Variants in BLNK observed in about 807,000 individuals in gnomAD.
BLNK encodes B cell linker.
In BLNK, 29 loss-of-function variants were observed where a neutral mutation model predicts 73.5. The observed-to-expected ratio is 0.39, with a 90% CI of 0.29 to 0.54. The LOEUF (loss-of-function observed/expected upper bound fraction) is 0.54, where lower values mean the gene tolerates loss of function less well. Ranked by LOEUF, BLNK falls within the 20% of genes least tolerant of loss-of-function variation. The pLI is 0.61. For synonymous variants in BLNK, 176 were observed against 200.8 expected, an observed-to-expected ratio of 0.88 and a Z score of 1.04; for missense variants, 460 against 562.8, an observed-to-expected ratio of 0.82 and a Z score of 1.85.
At chr10:96,211,618 G>A (rs917218719) in intron 8 of BLNK, among the ~76,000 whole-genome samples, 2 of 152,144 alleles carry the variant, frequency 1.3e-5, no homozygotes, top group African/African-American at 4.8e-5. Flanking sequence ...GATTGTACCT[G>A]GAAGCCTTCC....
intron 1 of BLNK, among the ~76,000 whole-genome samples, chr10:96,256,176 T>A (rs1173030379): frequency 6.6e-6 from 1 of 152,080 alleles, no homozygotes; most frequent in Non-Finnish European, 1.5e-5. Flanking sequence ...CCCTTTGCTT[T>A]ATCCACGTAT....
chr10:96,238,730 T>C (rs1435532064), intron 3 of BLNK, among the ~76,000 whole-genome samples: 3 of 151,678 alleles, frequency 2.0e-5, no homozygotes, highest in African/African-American at 7.3e-5. Flanking sequence ...GGGGATTGAG[T>C]GTAAGAGCAG....
At chr10:96,246,085 G>A (rs1240536752) in intron 2 of BLNK, among the ~76,000 whole-genome samples, 3 of 151,704 alleles carry the variant, frequency 2.0e-5, no homozygotes, top group African/African-American at 4.9e-5. Flanking sequence ...ACTAAGGTAC[G>A]TCTACCTTAG....
intron 8 of BLNK, among the ~76,000 whole-genome samples, chr10:96,212,176 G>A (rs1014179676): frequency 7.2e-5 from 11 of 152,196 alleles, no homozygotes; most frequent in Non-Finnish European, 1.3e-4. Flanking sequence ...CTGTCACGGA[G>A]GACACTGGTG....
Position 96,223,785 on chromosome 10 carries a change from C to T in BLNK, c.525+41G>A, listed in dbSNP as rs146017428. The T allele has an allele frequency of 1.6e-5, 26 of 1,610,810 alleles. No homozygotes were observed. In the African/African-American group the frequency reaches 2.1e-4, roughly 13 times the overall value. On this transcript the variant is annotated intron_variant, in intron 6 of 16. Transcript: ENST00000224337. ...CTGTCCTGGTCGCTTGCCCCACCCC[C>T]CTCTGTGTCCTGGGAAGCCTTTGGC...
intron 8 of BLNK, among the ~76,000 whole-genome samples, chr10:96,210,851 G>GTCCACAAT: frequency 6.7e-6 from 1 of 148,506 alleles, no homozygotes; most frequent in Non-Finnish European, 1.5e-5. Context: ...ACACATACAA[G>GTCCACAAT]TCCACAATTC....
intron 8 of BLNK, among the ~76,000 whole-genome samples, chr10:96,214,924 G>C (rs1410004787): frequency 6.6e-6 from 1 of 152,154 alleles, no homozygotes; most frequent in Non-Finnish European, 1.5e-5. Context: ...CAAGCCCAAG[G>C]TGGCATAGCT....
chr10:96,242,442 T>C (rs1385706601), intron 3 of BLNK, among the ~76,000 whole-genome samples: 2 of 152,226 alleles, frequency 1.3e-5, no homozygotes, highest in African/African-American at 4.8e-5. Context: ...ATTCCTCAAA[T>C]GTATAGTCTA....
intron 5 of BLNK, among the ~76,000 whole-genome samples, chr10:96,226,085 C>G (rs1554902424): frequency 6.6e-6 from 1 of 152,200 alleles, no homozygotes; most frequent in Non-Finnish European, 1.5e-5. Flanking sequence ...ATGAGCTGGG[C>G]TTCGGAAGCT....
intron 9 of BLNK, among the ~76,000 whole-genome samples, chr10:96,208,853 G>C (rs2083883082): frequency 6.6e-6 from 1 of 152,188 alleles, no homozygotes; most frequent in Non-Finnish European, 1.5e-5. Context: ...AGACGAAGTA[G>C]TTTGCCCAAA....
Position 96,264,657 on chromosome 10 carries a change from A to G in BLNK, c.47+6695T>C, listed in dbSNP as rs11188690. The stretch of plus-strand genomic sequence containing the variant: ...AAAAAGTCTTTAATGAAAAAGATTG[A>G]ACCCTTAAAGCCTACCCATCGGTTT... On this transcript the variant is annotated intron_variant, in intron 1 of 16. Coordinates refer to ENST00000224337, the MANE Select transcript of BLNK (RefSeq NM_013314.4). 5.0e-3 allele frequency among the ~76,000 whole-genome samples: 759 copies of G among 152,284 alleles called. 7 individuals are homozygous for G. The highest frequency in any genetic ancestry group is 0.017 in the African/African-American group (717 of 41,560).
intron 6 of BLNK, among the ~76,000 whole-genome samples, chr10:96,217,362 G>T (rs1390632257): frequency 6.6e-6 from 1 of 152,146 alleles, no homozygotes; most frequent in African/African-American, 2.4e-5. Flanking sequence ...GTAGCTCTAA[G>T]TTTAACAGTC....
At chr10:96,209,377 T>TTTAC (rs1554898144) in intron 9 of BLNK, among the ~76,000 whole-genome samples, 2 of 117,986 alleles carry the variant, frequency 1.7e-5, no homozygotes, top group Non-Finnish European at 3.6e-5. Flanking sequence ...TCTAGATTTA[T>TTTAC]TTATTTATTT....
intron 2 of BLNK, among the ~76,000 whole-genome samples, chr10:96,244,922 C>T (rs1233303991): frequency 1.3e-5 from 2 of 151,930 alleles, no homozygotes; most frequent in Non-Finnish European, 2.9e-5. Context: ...AATAGAGAAA[C>T]ATTTTATGCA....
intron 4 of BLNK, among the ~76,000 whole-genome samples, chr10:96,229,654 C>CTGTGTGTGTGTGTGTG (rs10625497): frequency 1.4e-3 from 205 of 142,664 alleles, no homozygotes; most frequent in African/African-American, 4.3e-3. Context: ...TTACATGTGG[C>CTGTGTGTGTGTGTGTG]TGTGTGTGTG....
intron 6 of BLNK, among the ~76,000 whole-genome samples, chr10:96,221,377 C>A (rs1554901134): frequency 6.6e-6 from 1 of 152,212 alleles, no homozygotes; most frequent in African/African-American, 2.4e-5. Flanking sequence ...GGGTTAAACA[C>A]TTTTATTTAT....
rs549933594 is a variant in BLNK, at chr10:96,258,155, A to C, written c.48-11106T>G. ...GCCTTGCTATGAAATAACAGGAATT[A>C]TATTTAGATTTGCGAATTCAGCACT... On this transcript the variant is annotated intron_variant, in intron 1 of 16. Coordinates refer to ENST00000224337, the MANE Select transcript of BLNK (RefSeq NM_013314.4). Among the ~76,000 whole-genome samples, 85 of 152,324 alleles carry C rather than the reference A, an allele frequency of 5.6e-4. No individual in the cohort carries two copies. In the South Asian group the frequency reaches 0.018, roughly 32 times the overall value.
chr10:96,210,276 C>T (rs782092580), intron 8 of BLNK: 28 of 360,420 alleles, frequency 7.8e-5, no homozygotes, highest in Non-Finnish European at 1.4e-4. Context: ...ACAGCTCACA[C>T]CTACATCTGT....
chr10:96,233,538 T>G (rs1842586864), intron 3 of BLNK, among the ~76,000 whole-genome samples: 1 of 152,212 alleles, frequency 6.6e-6, no homozygotes, highest in South Asian at 2.1e-4. Context: ...CCACGCTCAC[T>G]AACAGTAACA....
Sources: gnomAD v4.1 joint callset for allele counts (sites outside exome capture counted in the v4.1 genomes callset) on GRCh38, gnomAD v4.1.1 for gene constraint, MANE v1.5 for transcripts, NCBI Gene and HGNC (gene_info 2026-07-23, HGNC 2026-07-21) for gene names.